The following CCDC13 variants were observed in gnomAD, a reference collection of about 807,000 sequenced individuals.
The protein encoded by CCDC13 is coiled-coil domain containing 13.
A neutral mutation model predicts 87.3 loss-of-function variants in CCDC13; 70 were observed. The observed-to-expected ratio is 0.80, with a 90% CI of 0.66 to 0.98. The LOEUF is 0.98. Among genes scored for constraint, CCDC13 ranks in the 50% least tolerant of loss-of-function variants. The pLI is 0.00. For synonymous variants in CCDC13, 317 were observed against 360.3 expected (o/e 0.88, Z 1.36); for missense variants, 842 against 892.0 (o/e 0.94, Z 0.71).
intron 13 of CCDC13, among the ~76,000 whole-genome samples, chr3:42,716,751 T>C (rs968902099): frequency 6.6e-6 from 1 of 152,174 alleles, no homozygotes; most frequent in Non-Finnish European, 1.5e-5. Context: ...TATAAAGTGG[T>C]GCAGCCATTG....
chr3:42,764,460 T>C (rs771463155), intron 1 of CCDC13, among the ~76,000 whole-genome samples: 1 of 152,274 alleles, frequency 6.6e-6, no homozygotes, highest in Non-Finnish European at 1.5e-5. Flanking sequence ...GCAGCTGCTA[T>C]GCAGAGAGTT....
In CCDC13 at chr3:42,752,013, G is replaced by A; in HGVS notation, c.526C>T (p.Leu176=). ...GCCCCCTTGGCTGACAGCCTGGTCA[G>A]GGCTGTCTGCAGCTGAAAAAGCAAA... ...QELERELQTA[L]TRLSAKGATD... Residue 176 remains leucine (L), a synonymous_variant, in exon 5 of 16, where the codon CTG becomes TTG. Coordinates refer to ENST00000310232, the MANE Select transcript of CCDC13 (RefSeq NM_144719.4). The A allele has an allele frequency of 6.2e-7, 1 of 1,606,966 alleles. No individual in the cohort carries two copies. Among genetic ancestry groups the A allele is most frequent in the Non-Finnish European group, 8.5e-7 (1 of 1,179,934 alleles).
At chr3:42,711,772 G>A (rs1698319007) in intron 14 of CCDC13, among the ~76,000 whole-genome samples, 1 of 152,196 alleles carries the variant, frequency 6.6e-6, no homozygotes, top group Admixed American at 6.5e-5. Context: ...GTGGTGCTCT[G>A]CTCACCAGAG....
chr3:42,740,274 C>G (rs1699171568), intron 8 of CCDC13, among the ~76,000 whole-genome samples: 2 of 152,266 alleles, frequency 1.3e-5, no homozygotes, highest in South Asian at 4.2e-4. Context: ...GTCTTTTCTC[C>G]CACTTCCTCC....
At chr3:42,723,417 G>A (rs1698613232) in intron 13 of CCDC13, among the ~76,000 whole-genome samples, 1 of 152,184 alleles carries the variant, frequency 6.6e-6, no homozygotes, top group Non-Finnish European at 1.5e-5. Context: ...CCTTGGCCAT[G>A]TAAGTTAACA....
chr3:42,734,581 A>C (rs1054886652), intron 10 of CCDC13, among the ~76,000 whole-genome samples: 19 of 152,356 alleles, frequency 1.2e-4, no homozygotes, highest in African/African-American at 4.6e-4. Context: ...GCTACAGGAC[A>C]AACCAGGCTG....
chr3:42,752,998 T>G (rs1699623180), intron 3 of CCDC13, among the ~76,000 whole-genome samples: 1 of 152,220 alleles, frequency 6.6e-6, no homozygotes, highest in Non-Finnish European at 1.5e-5. Context: ...ATCACTCCGA[T>G]GCTTCATGTA....
At chr3:42,709,912 C>T (rs1428232837) in intron 14 of CCDC13, 114 bp from the exon 15 acceptor site, 3 of 799,740 alleles carry the variant, frequency 3.8e-6, no homozygotes, top group East Asian at 5.3e-5. Flanking sequence ...AAACGCTACA[C>T]CGCCTTCGGG....
At position 42,722,462 on chromosome 3, in the gene CCDC13, G is replaced by A. The variant is rs147570267; in HGVS notation, c.1718+8005C>T. Among the ~76,000 whole-genome samples the A allele has an allele frequency of 8.0e-4, 122 of 152,284 alleles. 1 individual carries two copies. Among genetic ancestry groups the A allele is most frequent in the African/African-American group, 2.9e-3 (120 of 41,556 alleles). On this transcript the variant is annotated intron_variant, in intron 13 of 15. Transcript: ENST00000310232. ...ATGGTTAAGGCATTCTAAGTCACAG[G>A]ATGAGATGGGAGGTTGGCACAAAAT...
chr3:42,716,917 C>A (rs1410432457), intron 13 of CCDC13, among the ~76,000 whole-genome samples: 2 of 152,190 alleles, frequency 1.3e-5, no homozygotes, highest in Non-Finnish European at 2.9e-5. Flanking sequence ...TGGAAACAAT[C>A]CAAGTGTCCA....
chr3:42,728,866 C>A (rs572796756), intron 13 of CCDC13, among the ~76,000 whole-genome samples: 1 of 152,274 alleles, frequency 6.6e-6, no homozygotes, highest in African/African-American at 2.4e-5. Flanking sequence ...CAGAGAGTTG[C>A]ATGTATGTGA....
In CCDC13 at chr3:42,752,697, C is replaced by T. The variant is rs777669431; in HGVS notation, c.391G>A (p.Asp131Asn). The change falls in exon 4 of 16, where the codon GAC becomes AAC. Residue 131 changes from aspartate to asparagine, a missense_variant. Coordinates refer to ENST00000310232, the MANE Select transcript of CCDC13 (RefSeq NM_144719.4). ...AFTGTAGVAG[D>N]VVATKIVELS... ...TCCACAATTTTGGTGGCGACCACGT[C>T]TCCGGCTACACCGGCTGTCCCTAAA... 1 of 1,614,136 alleles carries T rather than the reference C, an allele frequency of 6.2e-7. No individual in the cohort carries two copies. The highest frequency in any genetic ancestry group is 8.5e-7 in the Non-Finnish European group (1 of 1,180,038).
At chr3:42,743,610 CAT>C (rs1553690720) in intron 7 of CCDC13, among the ~76,000 whole-genome samples, 1 of 87,646 alleles carries the variant, frequency 1.1e-5, no homozygotes, top group African/African-American at 4.7e-5. Context: ...TACACACACA[CAT>C]ATATATATAC....
chr3:42,709,597 C>T, intron 15 of CCDC13, 87 bp downstream of exon 15: 1 of 1,070,168 alleles, frequency 9.3e-7, no homozygotes, highest in Non-Finnish European at 1.4e-6. Flanking sequence ...GTCAAAAGTG[C>T]AAGGGGAGGG....
At position 42,725,827 on chromosome 3, in the gene CCDC13, C is replaced by G. The variant is rs184295133; in HGVS notation, c.1718+4640G>C. Among the ~76,000 whole-genome samples, 82 of 152,090 alleles carry G rather than the reference C, an allele frequency of 5.4e-4. 1 individual carries two copies. In the East Asian group the frequency reaches 0.014, roughly 26 times the overall value. ...AAGAACTCCTACAAGGAAAAAAGCC[C>G]CACTGAAGATAAGCTCATAAAATCA... is the stretch of plus-strand genomic sequence containing the variant. On this transcript the variant is annotated intron_variant, in intron 13 of 15. Coordinates refer to ENST00000310232, the MANE Select transcript of CCDC13 (RefSeq NM_144719.4).
chr3:42,757,270 G>A, intron 2 of CCDC13, 56 bp from the exon 3 acceptor site: 5 of 1,563,146 alleles, frequency 3.2e-6, no homozygotes, highest in East Asian at 2.3e-5. Context: ...TGGTGGGCAG[G>A]GGTCAGGCCT....
At chr3:42,712,251 C>T (rs1160181372) in intron 14 of CCDC13, among the ~76,000 whole-genome samples, 1 of 151,926 alleles carries the variant, frequency 6.6e-6, no homozygotes, top group African/African-American at 2.4e-5. Flanking sequence ...GGCAGCAGCA[C>T]CTCCAGCATT....
At chr3:42,760,089 C>G (rs572344669) in intron 1 of CCDC13, among the ~76,000 whole-genome samples, 2 of 151,786 alleles carry the variant, frequency 1.3e-5, no homozygotes, top group Non-Finnish European at 2.9e-5. Flanking sequence ...GTCAGGAATT[C>G]GAGACTAGCC....
chr3:42,743,988 G>T, intron 7 of CCDC13, among the ~76,000 whole-genome samples: 1 of 152,242 alleles, frequency 6.6e-6, no homozygotes, highest in Middle Eastern at 3.4e-3. Flanking sequence ...ACTGCCCTGC[G>T]TAACACTGTT....
Sources: gnomAD v4.1 joint callset for allele counts (sites outside exome capture counted in the v4.1 genomes callset) on GRCh38, gnomAD v4.1.1 for gene constraint, MANE v1.5 for transcripts, NCBI Gene and HGNC (gene_info 2026-07-23, HGNC 2026-07-21) for gene names.